RELN: variants seen among roughly 807,000 people sequenced by gnomAD.
The protein encoded by RELN is reelin.
A neutral mutation model predicts 427.6 loss-of-function variants in RELN; 108 were observed. That is an observed-to-expected ratio of 0.25 (90% CI 0.22 to 0.30). The LOEUF (loss-of-function observed/expected upper bound fraction) is 0.30, where lower values mean the gene tolerates loss of function less well. Ranked by LOEUF, RELN falls within the 10% of genes least tolerant of loss-of-function variation. RELN has a pLI of 1.00. For synonymous variants in RELN, 1,524 were observed against 1,513.4 expected (o/e 1.01, Z -0.16); for missense variants, 3,715 against 4,302.8 (o/e 0.86, Z 3.82).
intron 64 of RELN, among the ~76,000 whole-genome samples, chr7:103,473,523 G>A (rs1419589113): frequency 6.6e-6 from 1 of 152,090 alleles, no homozygotes; most frequent in East Asian, 1.9e-4. Flanking sequence ...GTGGCCTTAG[G>A]AAAGAGACAC....
chr7:103,675,924 C>A (rs1584398156), intron 11 of RELN, among the ~76,000 whole-genome samples: 1 of 152,084 alleles, frequency 6.6e-6, no homozygotes, highest in African/African-American at 2.4e-5. Context: ...AGACCTAAAA[C>A]CATAAATACC....
chr7:103,985,020 C>T (rs77719156), intron 1 of RELN, among the ~76,000 whole-genome samples: 12,270 of 152,200 alleles, frequency 0.081, 739 homozygotes, highest in African/African-American at 0.16. Context: ...AACACGTGTG[C>T]CTTTAACAGT....
At chr7:103,492,523 A>G (rs1828707518) in intron 57 of RELN, among the ~76,000 whole-genome samples, 1 of 152,218 alleles carries the variant, frequency 6.6e-6, no homozygotes, top group South Asian at 2.1e-4. Flanking sequence ...AAATGTTTGA[A>G]TCATTAATAA....
intron 1 of RELN, among the ~76,000 whole-genome samples, chr7:103,978,966 G>A (rs1335163274): frequency 2.6e-5 from 4 of 152,192 alleles, no homozygotes; most frequent in African/African-American, 9.6e-5. Context: ...GAATGGTACA[G>A]GGAGAAATGA....
At chr7:103,552,055 T>C (rs1830424881) in intron 40 of RELN, among the ~76,000 whole-genome samples, 1 of 152,092 alleles carries the variant, frequency 6.6e-6, no homozygotes, top group South Asian at 2.1e-4. Context: ...CTAGACGTAC[T>C]CATCCTTCAT....
intron 24 of RELN, among the ~76,000 whole-genome samples, chr7:103,597,566 C>T (rs1026318683): frequency 3.3e-5 from 5 of 152,172 alleles, no homozygotes; most frequent in African/African-American, 1.2e-4. Context: ...CAGGCCACTG[C>T]ACCCCAGCTT....
chr7:103,507,704 G>C (rs1015691729), intron 51 of RELN, among the ~76,000 whole-genome samples: 2 of 152,004 alleles, frequency 1.3e-5, no homozygotes, highest in African/African-American at 2.4e-5. Context: ...GAAGGAGATA[G>C]AGACACAAAA....
At chr7:103,475,340 C>A (rs181336069) in intron 64 of RELN, among the ~76,000 whole-genome samples, 1 of 152,122 alleles carries the variant, frequency 6.6e-6, no homozygotes, top group Non-Finnish European at 1.5e-5. Context: ...CAACTCCCCC[C>A]ACCCCCGCAC....
At chr7:103,933,008 G>T (rs574007837) in intron 1 of RELN, among the ~76,000 whole-genome samples, 1 of 152,142 alleles carries the variant, frequency 6.6e-6, no homozygotes, top group Non-Finnish European at 1.5e-5. Context: ...TGGTAAATGT[G>T]CAACAACTGC....
At position 103,790,858 on chromosome 7, in the gene RELN, A is replaced by G. The variant is rs144019475; in HGVS notation, c.474-14231T>C. Among the ~76,000 whole-genome samples, 605 of 152,212 alleles carry G rather than the reference A, an allele frequency of 4.0e-3. 3 individuals carry two copies. The highest frequency in any genetic ancestry group is 0.014 in the African/African-American group (573 of 41,558). ...ATGCTTGTAGTCCCAGATACTCGGG[A>G]GGCTGAGGCAGAAGAATCGCTTGAA... On this transcript the variant is annotated intron_variant, in intron 3 of 64. Coordinates refer to ENST00000428762, the MANE Select transcript of RELN (RefSeq NM_005045.4).
At chr7:103,630,862 T>G (rs1438276148) in intron 19 of RELN, among the ~76,000 whole-genome samples, 4 of 143,864 alleles carry the variant, frequency 2.8e-5, no homozygotes, top group East Asian at 2.0e-4. Flanking sequence ...TTTTTTTTGT[T>G]TTTTTTTTTT....
Position 103,938,299 on chromosome 7 carries a change from A to G in RELN, c.227-21114T>C, listed in dbSNP as rs114079883. On this transcript the variant is annotated intron_variant, in intron 1 of 64. Transcript: ENST00000428762. ...TGCGCCATTGCACTCCATCTCAAAA[A>G]AAGAAAAAAAAAGAAAAACCCTAGT... is the stretch of plus-strand genomic sequence containing the variant. Among the ~76,000 whole-genome samples, 913 of 152,190 alleles carry G rather than the reference A, an allele frequency of 6.0e-3. 12 individuals carry two copies. Among genetic ancestry groups the G allele is most frequent in the African/African-American group, 0.02 (848 of 41,544 alleles).
intron 2 of RELN, among the ~76,000 whole-genome samples, chr7:103,911,439 A>G (rs1161195812): frequency 7.3e-6 from 1 of 137,258 alleles, no homozygotes; most frequent in Non-Finnish European, 1.5e-5. Flanking sequence ...TGTGGAAGTC[A>G]GTGTGGCGAT....
intron 2 of RELN, among the ~76,000 whole-genome samples, chr7:103,868,218 AT>A (rs1038928125): frequency 2.0e-5 from 3 of 152,102 alleles, no homozygotes; most frequent in African/African-American, 7.2e-5. Context: ...TTGGGAACCA[AT>A]TTGGAAATTC....
intron 20 of RELN, among the ~76,000 whole-genome samples, chr7:103,628,796 C>T (rs1241203832): frequency 1.3e-5 from 2 of 152,142 alleles, no homozygotes; most frequent in Non-Finnish European, 2.9e-5. Flanking sequence ...ACCATATTTC[C>T]AGTCCTAAAG....
chr7:103,737,042 A>G (rs983516793), intron 6 of RELN, among the ~76,000 whole-genome samples: 1 of 152,180 alleles, frequency 6.6e-6, no homozygotes, highest in Non-Finnish European at 1.5e-5. Flanking sequence ...AAGAGGGAGG[A>G]GGTTAGAGAA....
chr7:103,944,245 T>A (rs967253370), intron 1 of RELN, among the ~76,000 whole-genome samples: 2 of 151,900 alleles, frequency 1.3e-5, no homozygotes, highest in African/African-American at 4.8e-5. Context: ...AAAAAACTGA[T>A]TTTTTTTCTA....
intron 4 of RELN, among the ~76,000 whole-genome samples, chr7:103,768,226 A>AT (rs1486621248): frequency 1.3e-5 from 2 of 152,268 alleles, no homozygotes; most frequent in Admixed American, 1.3e-4. Context: ...TCTCAAAATA[A>AT]TTGAGGGTAT....
intron 4 of RELN, among the ~76,000 whole-genome samples, chr7:103,754,877 C>T (rs1791094776): frequency 6.6e-6 from 1 of 152,170 alleles, no homozygotes; most frequent in South Asian, 2.1e-4. Context: ...AGTTAAAGTG[C>T]ATTCCATTAA....
Sources: gnomAD v4.1 joint callset for allele counts (sites outside exome capture counted in the v4.1 genomes callset) on GRCh38, gnomAD v4.1.1 for gene constraint, MANE v1.5 for transcripts, NCBI Gene and HGNC (gene_info 2026-07-23, HGNC 2026-07-21) for gene names.